Variants in WWTR1 observed in about 807,000 individuals in gnomAD.
WWTR1 encodes WW domain containing transcription regulator 1, also known as WW domain-containing transcription regulator protein 1.
A neutral mutation model predicts 40.1 loss-of-function variants in WWTR1; 13 were observed. That is an observed-to-expected ratio of 0.32 (90% CI 0.21 to 0.52). WWTR1 has a LOEUF of 0.52. Among genes scored for constraint, WWTR1 ranks in the 20% least tolerant of loss-of-function variants. The pLI is 0.97. For synonymous variants in WWTR1, 230 were observed against 210.1 expected (o/e 1.09, Z -0.82); for missense variants, 436 against 523.1 (o/e 0.83, Z 1.63).
At chr3:149,664,990 T>C (rs1713749532) in intron 2 of WWTR1, among the ~76,000 whole-genome samples, 2 of 152,174 alleles carry the variant, frequency 1.3e-5, no homozygotes, top group Admixed American at 1.3e-4. Flanking sequence ...TTCAGTACCT[T>C]ATGTAAGTTA....
chr3:149,559,056 G>C (rs1433812826), intron 3 of WWTR1, among the ~76,000 whole-genome samples: 1 of 152,166 alleles, frequency 6.6e-6, no homozygotes. Context: ...CACTTTGGGA[G>C]GCCAAGGCAG....
At chr3:149,548,279 C>T (rs1186916724) in intron 3 of WWTR1, among the ~76,000 whole-genome samples, 4 of 152,180 alleles carry the variant, frequency 2.6e-5, no homozygotes, top group African/African-American at 9.7e-5. Flanking sequence ...CACCAGGAAA[C>T]AGAGAGCCAC....
chr3:149,538,241 C>T (rs1735922584), intron 4 of WWTR1, among the ~76,000 whole-genome samples: 1 of 152,032 alleles, frequency 6.6e-6, no homozygotes, highest in African/African-American at 2.4e-5. Flanking sequence ...TTTTTTTCTA[C>T]TTAAAAAAAC....
intron 2 of WWTR1, among the ~76,000 whole-genome samples, chr3:149,631,509 A>G (rs1035779111): frequency 6.6e-5 from 10 of 152,206 alleles, no homozygotes; most frequent in African/African-American, 2.2e-4. Context: ...AACCCCAAAT[A>G]TAAGTGCCAA....
intron 1 of WWTR1, among the ~76,000 whole-genome samples, chr3:149,685,107 T>C (rs928470335): frequency 6.6e-6 from 1 of 152,236 alleles, no homozygotes; most frequent in African/African-American, 2.4e-5. Flanking sequence ...ATATCCCCTT[T>C]TAGAGGACAT....
chr3:149,704,285 G>A (rs1446005410), upstream of WWTR1, among the ~76,000 whole-genome samples: 1 of 152,148 alleles, frequency 6.6e-6, no homozygotes, highest in African/African-American at 2.4e-5. Flanking sequence ...AATTTTAAGA[G>A]CTAAAAAATA....
chr3:149,608,674 T>C (rs1483157334), intron 2 of WWTR1, among the ~76,000 whole-genome samples: 1 of 151,882 alleles, frequency 6.6e-6, no homozygotes, highest in African/African-American at 2.4e-5. Flanking sequence ...CAGGTGTGAG[T>C]CACCACGCCA....
chr3:149,649,368 G>C (rs1429803613), intron 2 of WWTR1, among the ~76,000 whole-genome samples: 1 of 152,206 alleles, frequency 6.6e-6, no homozygotes, highest in Non-Finnish European at 1.5e-5. Context: ...CAAGGCCCTG[G>C]AAGATCATCG....
chr3:149,582,073 G>A (rs1390352016), intron 2 of WWTR1, among the ~76,000 whole-genome samples: 1 of 152,080 alleles, frequency 6.6e-6, no homozygotes, highest in Non-Finnish European at 1.5e-5. Context: ...AACCACTTTG[G>A]AAGGCTGGTG....
chr3:149,598,306 T>C (rs1739094001), intron 2 of WWTR1, among the ~76,000 whole-genome samples: 1 of 152,218 alleles, frequency 6.6e-6, no homozygotes, highest in Non-Finnish European at 1.5e-5. Flanking sequence ...GCCTATAGAT[T>C]ATCAAGAATT....
chr3:149,527,399 G>A (rs981372904), intron 5 of WWTR1, among the ~76,000 whole-genome samples: 4 of 151,730 alleles, frequency 2.6e-5, no homozygotes, highest in African/African-American at 7.3e-5. Flanking sequence ...TGCCCACCTC[G>A]GCCTCCCAAA....
intron 2 of WWTR1, among the ~76,000 whole-genome samples, chr3:149,664,148 G>T (rs1043184752): frequency 6.6e-6 from 1 of 152,268 alleles, no homozygotes; most frequent in Admixed American, 6.5e-5. Context: ...AGAGGACTGT[G>T]GTCCCAGAAG....
chr3:149,678,620 C>A (rs1714350828), intron 1 of WWTR1, among the ~76,000 whole-genome samples: 1 of 152,144 alleles, frequency 6.6e-6, no homozygotes, highest in African/African-American at 2.4e-5. Flanking sequence ...ACTGTGAAGG[C>A]TTACAGTATC....
In WWTR1 at chr3:149,560,210, C is replaced by A. The variant is rs1035417112; in HGVS notation, c.568+12654G>T. Among the ~76,000 whole-genome samples, 13 of 152,286 alleles carry A rather than the reference C, an allele frequency of 8.5e-5. No homozygotes were observed. In the East Asian group the frequency reaches 2.3e-3, roughly 27 times the overall value. ...CATATGAAATAGGGAATGCCTCAGG[C>A]GAAAGCCATCTGATTTTAATATATC... On this transcript the variant is annotated intron_variant, in intron 3 of 6. Coordinates refer to ENST00000360632, the MANE Select transcript of WWTR1 (RefSeq NM_015472.6).
chr3:149,522,115 T>C (rs944816402), intron 6 of WWTR1, among the ~76,000 whole-genome samples: 2 of 152,228 alleles, frequency 1.3e-5, no homozygotes, highest in African/African-American at 4.8e-5. Flanking sequence ...AGAGATAATA[T>C]CTACTTCAAA....
intron 2 of WWTR1, chr3:149,650,013 C>T (rs1405639677): frequency 2.0e-5 from 3 of 152,018 alleles, no homozygotes; most frequent in African/African-American, 2.4e-5. Flanking sequence ...CCTCCCACCT[C>T]GGCCCCCCAA....
intron 1 of WWTR1, among the ~76,000 whole-genome samples, chr3:149,678,744 A>C (rs912061165): frequency 3.9e-5 from 6 of 152,178 alleles, no homozygotes; most frequent in Admixed American, 6.5e-5. Context: ...TGAAACTAAT[A>C]AATCTTAAAC....
intron 1 of WWTR1, among the ~76,000 whole-genome samples, chr3:149,693,403 A>G (rs1305995618): frequency 6.6e-6 from 1 of 152,206 alleles, no homozygotes; most frequent in African/African-American, 2.4e-5. Context: ...TGCCTACACT[A>G]CGCAAAGCAA....
At chr3:149,628,299 GGCA>G (rs1740677769) in intron 2 of WWTR1, among the ~76,000 whole-genome samples, 1 of 152,226 alleles carries the variant, frequency 6.6e-6, no homozygotes, top group Non-Finnish European at 1.5e-5. Context: ...GGACCCGGGA[GGCA>G]GAGCTTGCGG....
Sources: allele counts gnomAD v4.1 joint callset (sites outside exome capture counted in the v4.1 genomes callset), GRCh38; gene constraint gnomAD v4.1.1; transcripts MANE v1.5; gene names NCBI Gene and HGNC (gene_info 2026-07-23, HGNC 2026-07-21).